Variants in PJVK observed in about 807,000 individuals in gnomAD.
PJVK encodes the protein autosomal recessive deafness type 59 protein.
Under a neutral mutation model 37.6 loss-of-function variants are expected in PJVK, and 33 were observed. That is an observed-to-expected ratio of 0.88 (90% CI 0.67 to 1.17). The LOEUF (loss-of-function observed/expected upper bound fraction) is 1.17, where lower values mean the gene tolerates loss of function less well. Among genes scored for constraint, PJVK ranks in the 50% most tolerant of loss-of-function variants. PJVK has a pLI of 0.00. For synonymous variants in PJVK, 141 were observed against 143.5 expected (o/e 0.98, Z 0.13); for missense variants, 410 against 413.8 (o/e 0.99, Z 0.08).
intron 3 of PJVK, chr2:178,455,069 G>A (rs1289554600): frequency 1.4e-6 from 2 of 1,480,364 alleles, no homozygotes; most frequent in Non-Finnish European, 1.9e-6. Flanking sequence ...GGGGCTCAAG[G>A]GGCAGCCAGC....
At position 178,461,257 on chromosome 2, in the gene PJVK, C is replaced by T; in HGVS notation, c.1042C>T (p.His348Tyr). The T allele has an allele frequency of 6.2e-7, 1 of 1,614,000 alleles. No homozygotes were observed. Among genetic ancestry groups the T allele is most frequent in the Non-Finnish European group, 8.5e-7 (1 of 1,180,004 alleles). The change falls in exon 7 of 7, where the codon CAC (histidine) becomes TAC (tyrosine). Residue 348 changes from histidine (H) to tyrosine (Y), a missense_variant. By Grantham distance (83) the His-to-Tyr change is moderately conservative (BLOSUM62 2). Transcript: ENST00000644580. Reference protein sequence around the residue: ...LHAVPCFDIWHKRMK With the variant: ...LHAVPCFDIWYKRMK The stretch of plus-strand genomic sequence containing the variant: ...TGCAGTTCCTTGTTTTGATATTTGG[C>T]ACAAGAGGATGAAATAAAATGAAAA...
At chr2:178,456,176 T>C in intron 4 of PJVK, 25 bp downstream of exon 4, 1 of 1,611,874 alleles carries the variant, frequency 6.2e-7, no homozygotes, top group Non-Finnish European at 8.5e-7. Context: ...TTGGGTTCTC[T>C]TACTAACTAA....
At chr2:178,454,299 T>C in intron 2 of PJVK, 33 bp from the exon 3 acceptor site, 1 of 1,557,998 alleles carries the variant, frequency 6.4e-7, no homozygotes, top group East Asian at 2.2e-5. Flanking sequence ...AAGATAAAGA[T>C]GTTTAAAAAA....
intron 1 of PJVK, 27 bp downstream of exon 1, chr2:178,451,796 A>G: frequency 1.0e-6 from 1 of 985,426 alleles, no homozygotes; most frequent in Non-Finnish European, 1.2e-6. Context: ...AAAACACGTT[A>G]GGAGTAAACG....
intron 5 of PJVK, among the ~76,000 whole-genome samples, chr2:178,459,574 A>G (rs1453155071): frequency 6.6e-6 from 1 of 152,178 alleles, no homozygotes; most frequent in Non-Finnish European, 1.5e-5. Flanking sequence ...TTATTTAAAA[A>G]TGTACAAATT....
At chr2:178,456,178 A>T (rs146435783) in intron 4 of PJVK, 27 bp downstream of exon 4, 2 of 1,611,546 alleles carry the variant, frequency 1.2e-6, no homozygotes, top group Middle Eastern at 1.6e-4. Flanking sequence ...GGGTTCTCTT[A>T]CTAACTAAAG....
chr2:178,459,053 T>C (rs1216513226), intron 5 of PJVK: 2 of 419,608 alleles, frequency 4.8e-6, no homozygotes, highest in Non-Finnish European at 1.0e-5. Flanking sequence ...TTTTCTTACT[T>C]CAGTTTTACT....
At chr2:178,455,174 A>T (rs1269615459) in intron 3 of PJVK, 1 of 1,596,546 alleles carries the variant, frequency 6.3e-7, no homozygotes, top group Non-Finnish European at 8.6e-7. Flanking sequence ...TCTGGAGAAG[A>T]TCAAGAAGAT....
chr2:178,458,588 A>C lies in PJVK; in HGVS notation c.628A>C (p.Ser210Arg). The change falls in exon 5 of 7, where the codon AGT becomes CGT. Residue 210 changes from serine to arginine, a missense_variant. Coordinates refer to ENST00000644580, the MANE Select transcript of PJVK (RefSeq NM_001042702.5). ...VFPAHTTIAF[S>R]VFELFIYLDG... ...CCCAGCACATACAACCATAGCTTTC[A>C]GTGTTTTTGAACTCTTCATATACCT... is the stretch of plus-strand genomic sequence containing the variant. The C allele has an allele frequency of 6.2e-7, 1 of 1,614,078 alleles. No individual in the cohort carries two copies. The highest frequency in any genetic ancestry group is 8.5e-7 in the Non-Finnish European group (1 of 1,179,970).
At position 178,461,584 on chromosome 2, in the gene PJVK, C is replaced by CTTTT. The variant is rs536141412; in HGVS notation, c.*325_*328dup. On this transcript the variant is annotated 3_prime_UTR_variant, in exon 7 of 7. Transcript: ENST00000644580. Reference sequence around the variant, plus strand: ...GATGTAGTCTATCATTTTAGTTCACCTTTTTTTTTTTTTTTTTTGAGACAG... The same window carrying CTTTT: ...GATGTAGTCTATCATTTTAGTTCACCTTTTTTTTTTTTTTTTTTTTTTGAGACAG... Among the ~76,000 whole-genome samples the CTTTT allele has an allele frequency of 0.13, 15,314 of 122,484 alleles. 2,004 individuals are homozygous for CTTTT. Among genetic ancestry groups the CTTTT allele is most frequent in the African/African-American group, 0.29 (9,040 of 30,850 alleles). The allele number at this position is 122,484 out of a possible 152,430, so 80.4% of individuals were successfully genotyped here. A position where few individuals can be genotyped will look rare whatever the true frequency, so the allele number is the denominator to read the frequency against.
intron 5 of PJVK, 75 bp downstream of exon 5, chr2:178,458,702 C>CTT: frequency 9.1e-7 from 1 of 1,101,342 alleles, no homozygotes; most frequent in Non-Finnish European, 1.4e-6. Context: ...TGCTCTCTCT[C>CTT]TCTCTTTTCT....
Position 178,461,418 on chromosome 2 carries a change from A to G in PJVK, c.*144A>G, listed in dbSNP as rs1684504047. On this transcript the variant is annotated 3_prime_UTR_variant, in exon 7 of 7. Coordinates refer to ENST00000644580, the MANE Select transcript of PJVK (RefSeq NM_001042702.5). ...AACCTGTCTGGGTATCATATTCCCT[A>G]TCTATAAAGTAGCAATTATAACAGT... 6.0e-6 allele frequency: 5 copies of G among 836,882 alleles called. No individual in the cohort carries two copies. Among genetic ancestry groups the G allele is most frequent in the Middle Eastern group, 3.5e-4 (1 of 2,852 alleles). The allele number at this position is 836,882 out of a possible 1,614,324, so 51.8% of individuals were successfully genotyped here.
Position 178,460,563 on chromosome 2 carries a change from G to C in PJVK, c.766+117G>C, listed in dbSNP as rs146661030. The C allele has an allele frequency of 6.6e-4, 664 of 999,954 alleles. 1 individual carries two copies. The African/African-American group carries it at 9.0e-3, about 14-fold the overall frequency. The allele number at this position is 999,954 out of a possible 1,614,324, so 61.9% of individuals were successfully genotyped here. A position where few individuals can be genotyped will look rare whatever the true frequency, so the allele number is the denominator to read the frequency against. ...GGAAAAATTTAAATTTAAAAGCCTG[G>C]CTGGTATGGTGGCTCATGCCTATAA... On this transcript the variant is annotated intron_variant, in intron 6 of 6. Coordinates refer to ENST00000644580, the MANE Select transcript of PJVK (RefSeq NM_001042702.5).
rs1472340407 is a variant in PJVK at position 178,462,005 on chromosome 2, T to C, written c.*731T>C. ...GTAGCAACTTTTGGTGTTTCAACTATTGCCTTTGGTCTGGTAAAATGAGAA... is the reference window on the plus strand; with the variant it reads ...GTAGCAACTTTTGGTGTTTCAACTACTGCCTTTGGTCTGGTAAAATGAGAA... On this transcript the variant is annotated 3_prime_UTR_variant, in exon 7 of 7. Transcript: ENST00000644580. 6.6e-6 allele frequency among the ~76,000 whole-genome samples: 1 copy of C among 152,254 alleles called. No individual in the cohort carries two copies. The highest frequency in any genetic ancestry group is 1.5e-5 in the Non-Finnish European group (1 of 68,034).
At chr2:178,453,703 T>A in intron 2 of PJVK, 83 bp downstream of exon 2, 1 of 1,140,776 alleles carries the variant, frequency 8.8e-7, no homozygotes, top group Non-Finnish European at 1.3e-6. Flanking sequence ...CTACTTATGT[T>A]AGTAATACAC....
intron 3 of PJVK, chr2:178,454,820 C>A (rs1456851395): frequency 7.3e-7 from 1 of 1,363,672 alleles, no homozygotes; most frequent in Non-Finnish European, 1.0e-6. Context: ...ATCATGAGGC[C>A]CAGATCAAGA....
intron 3 of PJVK, chr2:178,455,288 A>T: frequency 7.1e-7 from 1 of 1,399,302 alleles, no homozygotes; most frequent in East Asian, 2.3e-5. Context: ...GACTCACATC[A>T]TGGTGGAAAA....
chr2:178,452,900 C>A, intron 1 of PJVK: 1 of 164,194 alleles, frequency 6.1e-6, no homozygotes, highest in Non-Finnish European at 1.3e-5. Flanking sequence ...GAGCTGTATG[C>A]CATGAGGATT....
At chr2:178,455,892 T>G in intron 3 of PJVK, 118 bp from the exon 4 acceptor site, 1 of 1,146,386 alleles carries the variant, frequency 8.7e-7, no homozygotes, top group Non-Finnish European at 1.3e-6. Context: ...ACTATTAGGA[T>G]TGCCTTGATT....
Sources: gnomAD v4.1 joint callset for allele counts (sites outside exome capture counted in the v4.1 genomes callset) on GRCh38, gnomAD v4.1.1 for gene constraint, MANE v1.5 for transcripts, NCBI Gene and HGNC (gene_info 2026-07-23, HGNC 2026-07-21) for gene names.